The following GLRX3 variants were observed in gnomAD, a reference collection of about 807,000 sequenced individuals.
GLRX3 encodes glutaredoxin-3.
Under a neutral mutation model 49.5 loss-of-function variants are expected in GLRX3, and 22 were observed. The observed-to-expected ratio is 0.44, with a 90% CI of 0.32 to 0.63. The LOEUF is 0.63. GLRX3 is among the 30% of genes least tolerant of loss of function. The pLI is 0.05. For missense variants in GLRX3, 385 were observed against 396.3 expected (o/e 0.97, Z 0.24); for synonymous variants, 133 against 140.0 (o/e 0.95, Z 0.35).
At position 130,142,809 on chromosome 10, in the gene GLRX3, C is replaced by A. The variant is rs973019882; in HGVS notation, c.93-2402C>A. Among the ~76,000 whole-genome samples the A allele has an allele frequency of 1.1e-4, 13 of 123,476 alleles. 1 individual carries two copies. The South Asian group carries it at 3.1e-3, about 30-fold the overall frequency. 81.0% of individuals were successfully genotyped at this position (123,476 alleles called of 152,430 possible). A position where few individuals can be genotyped will look rare whatever the true frequency, so the allele number is the denominator to read the frequency against. On this transcript the variant is annotated intron_variant, in intron 1 of 10. Coordinates refer to ENST00000331244, the MANE Select transcript of GLRX3 (RefSeq NM_006541.5). ...CAATCTTCCAGTACCGCCTAGGACC[C>A]CTTAATCTTCCAGTACCGCCTAGGA...
At chr10:130,178,980 A>G (rs2134936157) in intron 10 of GLRX3, among the ~76,000 whole-genome samples, 1 of 152,322 alleles carries the variant, frequency 6.6e-6, no homozygotes, top group South Asian at 2.1e-4. Context: ...CTGGGATTAC[A>G]GGCATGAGCC....
Position 130,166,604 on chromosome 10 carries a change from A to G in GLRX3, c.576A>G (p.Lys192=), listed in dbSNP as rs199617584. 16 of 1,610,310 alleles carry G rather than the reference A, an allele frequency of 9.9e-6. No homozygotes were observed. Among genetic ancestry groups the G allele is most frequent in the Non-Finnish European group, 1.4e-5 (16 of 1,176,492 alleles). ...ATGAAGAGGTTCGACAGGGACTCAAAGCCTATTCCAGTTGGCCTACCTATC... is the reference window on the plus strand; with the variant it reads ...ATGAAGAGGTTCGACAGGGACTCAAGGCCTATTCCAGTTGGCCTACCTATC... The part of the protein sequence containing the change: ...FSDEEVRQGL[K]AYSSWPTYPQ... Residue 192 remains lysine, a synonymous_variant, in exon 5 of 11, where the codon AAA becomes AAG. Coordinates refer to ENST00000331244, the MANE Select transcript of GLRX3 (RefSeq NM_006541.5).
chr10:130,151,441 A>G (rs1428015884), intron 2 of GLRX3, among the ~76,000 whole-genome samples: 3 of 152,176 alleles, frequency 2.0e-5, no homozygotes, highest in Non-Finnish European at 4.4e-5. Context: ...TTACATAGGT[A>G]TACATGTGCC....
intron 2 of GLRX3, among the ~76,000 whole-genome samples, chr10:130,146,746 T>G (rs1862277188): frequency 6.6e-6 from 1 of 152,240 alleles, no homozygotes; most frequent in African/African-American, 2.4e-5. Context: ...AGAGTACATG[T>G]TACCCAATAT....
intron 2 of GLRX3, among the ~76,000 whole-genome samples, chr10:130,159,054 T>A (rs1264610885): frequency 6.6e-6 from 1 of 152,162 alleles, no homozygotes; most frequent in East Asian, 1.9e-4. Context: ...CCAGTGGAAA[T>A]CTTTTACTCT....
At chr10:130,171,546 AC>A in intron 7 of GLRX3, 37 bp from the exon 8 acceptor site, 1 of 1,157,444 alleles carries the variant, frequency 8.6e-7, no homozygotes, top group Non-Finnish European at 1.3e-6. Flanking sequence ...CTTGGGTCAT[AC>A]AAAAATTGTA....
At chr10:130,178,522 G>T (rs1239577544) in intron 10 of GLRX3, among the ~76,000 whole-genome samples, 3 of 151,898 alleles carry the variant, frequency 2.0e-5, no homozygotes, top group African/African-American at 7.3e-5. Context: ...TTAAAGTGCT[G>T]GGATTATAGG....
chr10:130,172,757 C>A (rs1344364127), intron 8 of GLRX3, among the ~76,000 whole-genome samples: 1 of 152,084 alleles, frequency 6.6e-6, no homozygotes, highest in Non-Finnish European at 1.5e-5. Flanking sequence ...GCTTGGCGAA[C>A]ATGGTGAAAC....
chr10:130,170,644 T>C (rs968227655), intron 7 of GLRX3, among the ~76,000 whole-genome samples: 1 of 152,190 alleles, frequency 6.6e-6, no homozygotes, highest in Non-Finnish European at 1.5e-5. Flanking sequence ...TTTAAGTGGA[T>C]ATTTATTCTC....
intron 2 of GLRX3, chr10:130,159,694 A>G (rs939116805): frequency 8.5e-6 from 4 of 469,832 alleles, no homozygotes; most frequent in African/African-American, 7.9e-5. Flanking sequence ...TAGTAGCTGC[A>G]TATGATTGAA....
At chr10:130,169,318 A>G in intron 6 of GLRX3, 115 bp from the exon 7 acceptor site, 2 of 715,602 alleles carry the variant, frequency 2.8e-6, no homozygotes, top group East Asian at 5.2e-5. Context: ...ATACCACTCA[A>G]AGCTGTGAAC....
At chr10:130,163,037 TTTTATA>T (rs1862606640) in intron 4 of GLRX3, among the ~76,000 whole-genome samples, 1 of 152,204 alleles carries the variant, frequency 6.6e-6, no homozygotes, top group South Asian at 2.1e-4. Context: ...CTGCTAGCAT[TTTTATA>T]TTTATATTAA....
chr10:130,144,360 A>G (rs1171976751), intron 1 of GLRX3, among the ~76,000 whole-genome samples: 1 of 146,020 alleles, frequency 6.8e-6, no homozygotes, highest in African/African-American at 2.6e-5. Context: ...TTACATAGGT[A>G]TGCATGTGCC....
chr10:130,159,221 T>C (rs1234692628), intron 2 of GLRX3, among the ~76,000 whole-genome samples: 2 of 152,244 alleles, frequency 1.3e-5, no homozygotes, highest in Non-Finnish European at 2.9e-5. Flanking sequence ...TAGCTTGGTA[T>C]TTCTCCAAGT....
intron 1 of GLRX3, among the ~76,000 whole-genome samples, chr10:130,141,465 A>G (rs34780402): frequency 0.077 from 11,715 of 152,270 alleles, 597 homozygotes; most frequent in Middle Eastern, 0.2. Context: ...CACAGGAAGA[A>G]TATAGAACCC....
At chr10:130,153,410 T>C (rs1862417464) in intron 2 of GLRX3, among the ~76,000 whole-genome samples, 1 of 152,230 alleles carries the variant, frequency 6.6e-6, no homozygotes, top group Admixed American at 6.5e-5. Flanking sequence ...GCCTTTCTGC[T>C]CTGGTTTCTC....
At chr10:130,144,111 C>G (rs1032598192) in intron 1 of GLRX3, among the ~76,000 whole-genome samples, 1 of 152,160 alleles carries the variant, frequency 6.6e-6, no homozygotes, top group Non-Finnish European at 1.5e-5. Flanking sequence ...TCAACACTTA[C>G]TGCTGTTTCT....
intron 2 of GLRX3, among the ~76,000 whole-genome samples, chr10:130,152,248 A>G (rs1299803671): frequency 6.6e-6 from 1 of 152,088 alleles, no homozygotes; most frequent in Non-Finnish European, 1.5e-5. Context: ...CAAACTCCTG[A>G]CCTCAAATGA....
At chr10:130,164,112 T>G (rs560675500) in intron 4 of GLRX3, among the ~76,000 whole-genome samples, 32 of 152,294 alleles carry the variant, frequency 2.1e-4, no homozygotes, top group African/African-American at 7.5e-4. Flanking sequence ...CCTGCACAGG[T>G]CATGTCTCCA....
Sources: allele counts gnomAD v4.1 joint callset (sites outside exome capture counted in the v4.1 genomes callset), GRCh38; gene constraint gnomAD v4.1.1; transcripts MANE v1.5; gene names NCBI Gene and HGNC (gene_info 2026-07-23, HGNC 2026-07-21).